The following KIF27 variants were observed in gnomAD, a reference collection of about 807,000 sequenced individuals.
The protein encoded by KIF27 is kinesin family member 27.
In KIF27, 84 loss-of-function variants were observed where a neutral mutation model predicts 141.8. The observed-to-expected ratio is 0.59, with a 90% CI of 0.50 to 0.71. The LOEUF is 0.71. Ranked by LOEUF, KIF27 falls within the 30% of genes least tolerant of loss-of-function variation. The pLI is 0.00. For missense variants in KIF27, 1,306 were observed against 1,628.4 expected (o/e 0.80, Z 3.41); for synonymous variants, 471 against 569.5 (o/e 0.83, Z 2.46).
intron 2 of KIF27, among the ~76,000 whole-genome samples, chr9:83,914,420 CACA>C (rs1469199909): frequency 6.6e-6 from 1 of 152,078 alleles, no homozygotes; most frequent in Non-Finnish European, 1.5e-5. Flanking sequence ...CCTGAAACTA[CACA>C]ACCACCCTCT....
chr9:83,852,991 C>G lies in KIF27; in HGVS notation c.3357+638G>C, dbSNP rs568357364. 5.3e-5 allele frequency among the ~76,000 whole-genome samples: 8 copies of G among 152,282 alleles called. No homozygotes were observed. The East Asian group carries it at 1.2e-3, about 22-fold the overall frequency. On this transcript the variant is annotated intron_variant, in intron 15 of 17. Transcript: ENST00000297814. ...AATTGAATGTACTTTTCAGAGAAGA[C>G]TTATCTCATTGTTTAACACTTCGTA... is the stretch of plus-strand genomic sequence containing the variant.
At chr9:83,856,330 G>T (rs1473575023) in intron 14 of KIF27, among the ~76,000 whole-genome samples, 5 of 152,170 alleles carry the variant, frequency 3.3e-5, no homozygotes, top group African/African-American at 1.2e-4. Context: ...TCTCGGCAGG[G>T]TGTGGTGGTT....
rs1295922765 is a variant in KIF27 at position 83,859,468 on chromosome 9, T to A, written c.2935-97A>T. 3.8e-6 allele frequency: 3 copies of A among 782,208 alleles called. No homozygotes were observed. In the African/African-American group the frequency reaches 5.3e-5, roughly 14 times the overall value. 48.5% of individuals were successfully genotyped at this position (782,208 alleles called of 1,614,324 possible). A position where few individuals can be genotyped will look rare whatever the true frequency, so the allele number is the denominator to read the frequency against. ...AACATAGAGAAAATTGCTAAATGAA[T>A]ATATTTTTAGTTTTTATATTATTGT... On this transcript the variant is annotated intron_variant, in intron 13 of 17. Transcript: ENST00000297814.
At chr9:83,857,060 T>G (rs1347011082) in intron 14 of KIF27, among the ~76,000 whole-genome samples, 1 of 151,560 alleles carries the variant, frequency 6.6e-6, no homozygotes, top group Non-Finnish European at 1.5e-5. Context: ...TTCTTTAATT[T>G]TAGTTTCTGG....
At chr9:83,848,322 T>TGATATATATG (rs1391957440) in intron 16 of KIF27, among the ~76,000 whole-genome samples, 4 of 96,346 alleles carry the variant, frequency 4.2e-5, no homozygotes, top group Admixed American at 4.0e-4. Context: ...ATATCATATA[T>TGATATATATG]CTATATATCT....
Position 83,915,476 on chromosome 9 carries a change from A to G in KIF27, c.116T>C (p.Ile39Thr), listed in dbSNP as rs1955593908. 2 of 1,613,910 alleles carry G rather than the reference A, an allele frequency of 1.2e-6. No homozygotes were observed. The highest frequency in any genetic ancestry group is 1.3e-5 in the African/African-American group (1 of 75,042). The change falls in exon 2 of 18, where the codon ATT (isoleucine) becomes ACT (threonine). Residue 39 changes from isoleucine to threonine, a missense_variant. By Grantham distance (89) the Ile-to-Thr change is moderately conservative. Transcript: ENST00000297814. ...AAAAGTGAAGACTCTATCTCTCCCA[A>G]TGATAACTTGCTGGCTGTTTGGAAT... ...RVIPNSQQVI[I>T]GRDRVFTFDF...
rs183911200 is a variant in KIF27, at chr9:83,880,551, T to G, written c.2446-57A>C. On this transcript the variant is annotated intron_variant, in intron 10 of 17. Transcript: ENST00000297814. ...AACTGAATCTCTCACAATCCTCAAC[T>G]AAACTTAATCTTTTCATTTGATGGT... The G allele has an allele frequency of 2.4e-3, 3,026 of 1,248,592 alleles. 11 individuals are homozygous for G. The highest frequency in any genetic ancestry group is 2.8e-3 in the Non-Finnish European group (2,464 of 880,788). 77.3% of individuals were successfully genotyped at this position (1,248,592 alleles called of 1,614,324 possible). A position where few individuals can be genotyped will look rare whatever the true frequency, so the allele number is the denominator to read the frequency against.
chr9:83,887,089 T>C lies in KIF27; in HGVS notation c.2191A>G (p.Ile731Val), dbSNP rs776146281. ...EAKQKMRELT[I>V]NIKMKEDLIK... ...AGATCTTCCTTCATCTTGATGTTAA[T>C]TGTAAGTTCTCTCATTTTTTGTTTA... Residue 731 changes from isoleucine (I) to valine (V), a missense_variant, in exon 9 of 18, where the codon ATT becomes GTT. Physicochemically the swap from Ile to Val is conservative, Grantham distance 29 (BLOSUM62 3). Transcript: ENST00000297814. 33 of 1,601,034 alleles carry C rather than the reference T, an allele frequency of 2.1e-5. No homozygotes were observed. The highest frequency in any genetic ancestry group is 2.6e-5 in the Non-Finnish European group (31 of 1,176,146).
At chr9:83,847,124 T>C (rs770180343) in intron 16 of KIF27, among the ~76,000 whole-genome samples, 1 of 151,942 alleles carries the variant, frequency 6.6e-6, no homozygotes, top group Non-Finnish European at 1.5e-5. Flanking sequence ...GTCACTCTAC[T>C]AGGAAGAAAA....
In KIF27 at chr9:83,848,176, A is replaced by C. The variant is rs1394372629; in HGVS notation, c.3556+1923T>G. 2.4e-3 allele frequency among the ~76,000 whole-genome samples: 168 copies of C among 69,074 alleles called. 32 individuals are homozygous for C. The East Asian group carries it at 0.03, about 12-fold the overall frequency. 45.3% of individuals were successfully genotyped at this position (69,074 alleles called of 152,430 possible). A position where few individuals can be genotyped will look rare whatever the true frequency, so the allele number is the denominator to read the frequency against. On this transcript the variant is annotated intron_variant, in intron 16 of 17. Transcript: ENST00000297814. ...ATATCATATATGATATATCTGATAT[A>C]TCATATATGATATATATGATATATC...
intron 6 of KIF27, 127 bp downstream of exon 6, chr9:83,891,168 G>T: frequency 1.5e-6 from 1 of 650,426 alleles, no homozygotes; most frequent in East Asian, 2.7e-5. Flanking sequence ...TAAAAGAAAA[G>T]GTATACACAA....
rs1302286403 is a variant in KIF27 at position 83,836,084 on chromosome 9, T to C, written c.*917A>G. 1.3e-5 allele frequency among the ~76,000 whole-genome samples: 2 copies of C among 152,168 alleles called. No individual in the cohort carries two copies. The highest frequency in any genetic ancestry group is 2.9e-5 in the Non-Finnish European group (2 of 68,018). On this transcript the variant is annotated 3_prime_UTR_variant, in exon 18 of 18. Coordinates refer to ENST00000297814, the MANE Select transcript of KIF27 (RefSeq NM_017576.4). ...GACATATTTACAGCCCCAGTGTAGT[T>C]TGGCCGGTGTGCAAAGCCTGACTAA...
intron 16 of KIF27, among the ~76,000 whole-genome samples, chr9:83,845,362 T>A (rs979430625): frequency 1.1e-4 from 16 of 152,176 alleles, no homozygotes; most frequent in Admixed American, 7.9e-4. Flanking sequence ...CACAGCAGCA[T>A]TCCATCATCA....
intron 16 of KIF27, among the ~76,000 whole-genome samples, chr9:83,843,411 C>A (rs1392332818): frequency 2.6e-5 from 4 of 151,094 alleles, no homozygotes; most frequent in Admixed American, 6.6e-5. Flanking sequence ...AGTTTACTAA[C>A]CTTCAGAAAA....
chr9:83,838,196 C>G (rs1191608363), intron 17 of KIF27, among the ~76,000 whole-genome samples: 4 of 152,012 alleles, frequency 2.6e-5, no homozygotes, highest in Admixed American at 2.6e-4. Flanking sequence ...TATATTGATG[C>G]ATGCTTAGTA....
At chr9:83,860,833 T>C (rs893276558) in intron 13 of KIF27, among the ~76,000 whole-genome samples, 1 of 152,102 alleles carries the variant, frequency 6.6e-6, no homozygotes, top group African/African-American at 2.4e-5. Context: ...GTGCCCTTAT[T>C]TTTGTGGAGC....
chr9:83,916,163 G>C (rs1312754020), intron 1 of KIF27, among the ~76,000 whole-genome samples: 2 of 151,894 alleles, frequency 1.3e-5, no homozygotes, highest in Non-Finnish European at 2.9e-5. Flanking sequence ...CTCTCGAGTA[G>C]CTGGGGTTAC....
At position 83,884,086 on chromosome 9, in the gene KIF27, A is replaced by G. The variant is rs768854987; in HGVS notation, c.2240-68T>C. 57 of 1,147,472 alleles carry G rather than the reference A, an allele frequency of 5.0e-5. 1 individual carries two copies. The highest frequency in any genetic ancestry group is 6.2e-5 in the Non-Finnish European group (51 of 821,682). The allele number at this position is 1,147,472 out of a possible 1,614,324, so 71.1% of individuals were successfully genotyped here. ...AAGAAGTTAAACATCCAAAACATAA[A>G]AATACTCTACTCTAAAATCCAGCCA... On this transcript the variant is annotated intron_variant, in intron 9 of 17. Transcript: ENST00000297814.
chr9:83,892,473 A>T (rs529528033), intron 5 of KIF27, among the ~76,000 whole-genome samples: 1 of 152,294 alleles, frequency 6.6e-6, no homozygotes, highest in South Asian at 2.1e-4. Flanking sequence ...TGGAGAAAAC[A>T]ACAGAAAAAG....
Sources: gnomAD v4.1 joint callset for allele counts (sites outside exome capture counted in the v4.1 genomes callset) on GRCh38, gnomAD v4.1.1 for gene constraint, MANE v1.5 for transcripts, NCBI Gene and HGNC (gene_info 2026-07-23, HGNC 2026-07-21) for gene names.